NOVA1: variants seen among roughly 807,000 people sequenced by gnomAD.
NOVA1 encodes RNA-binding protein Nova-1.
NOVA1 carries 7 observed loss-of-function variants against 38.0 expected under a neutral mutation model. The ratio of observed to expected loss-of-function variants is 0.18; its 90% CI spans 0.10 to 0.35. The LOEUF is 0.35. Ranked by LOEUF, NOVA1 falls within the 10% of genes least tolerant of loss-of-function variation. NOVA1 has a pLI of 1.00. For synonymous variants in NOVA1, 270 were observed against 232.5 expected (o/e 1.16, Z -1.47); for missense variants, 460 against 616.0 (o/e 0.75, Z 2.68).
rs1453971975 is a variant in NOVA1, at chr14:26,448,485, C to T, written c.998G>A (p.Gly333Asp). Residue 333 changes from glycine to aspartate, a missense_variant, in exon 5 of 5, where the codon GGT (glycine) becomes GAT (aspartate). Transcript: ENST00000539517. This position sits in a 1 kb window ranked among gnomAD's most constrained non-coding sequence, Gnocchi z 5.3. The part of the protein sequence containing the change: ...ASYGYNLNTL[G>D]LGLSQAAATG... The stretch of plus-strand genomic sequence containing the variant: ...TGCTGCTGCTTGACTGAGACCTAAA[C>T]CTAAAGTGTTGAGATTATATCCATA... 3 of 1,613,930 alleles carry T rather than the reference C, an allele frequency of 1.9e-6. No homozygotes were observed. The highest frequency in any genetic ancestry group is 3.3e-5 in the Admixed American group (2 of 60,014).
At chr14:26,575,979 G>A (rs1233773514) in intron 2 of NOVA1, among the ~76,000 whole-genome samples, 1 of 151,214 alleles carries the variant, frequency 6.6e-6, no homozygotes, top group African/African-American at 2.4e-5. Context: ...GAGGAAACTC[G>A]CAGCTGACAG....
intron 4 of NOVA1, among the ~76,000 whole-genome samples, chr14:26,462,356 T>C (rs1437169754): frequency 6.6e-6 from 1 of 152,072 alleles, no homozygotes; most frequent in East Asian, 1.9e-4. Flanking sequence ...GAATTAACAC[T>C]TGAAAAAAAA....
chr14:26,481,283 C>T (rs1885430783), intron 2 of NOVA1, among the ~76,000 whole-genome samples: 1 of 151,928 alleles, frequency 6.6e-6, no homozygotes. Context: ...CCTTTTGGTG[C>T]TACTGTTTCA....
At chr14:26,482,064 T>C (rs1205752201) in intron 2 of NOVA1, among the ~76,000 whole-genome samples, 1 of 146,382 alleles carries the variant, frequency 6.8e-6, no homozygotes, top group Non-Finnish European at 1.5e-5. Context: ...GTCAATAAAA[T>C]TCTGATAATA....
At chr14:26,517,724 A>T (rs1594449325) in intron 2 of NOVA1, among the ~76,000 whole-genome samples, 1 of 152,202 alleles carries the variant, frequency 6.6e-6, no homozygotes, top group African/African-American at 2.4e-5. Context: ...ATCTTATCAC[A>T]AACAGTAAAT....
At chr14:26,567,356 C>T (rs546551769) in intron 2 of NOVA1, among the ~76,000 whole-genome samples, 19 of 129,982 alleles carry the variant, frequency 1.5e-4, no homozygotes, top group African/African-American at 5.2e-4. Flanking sequence ...AATGCAGTGG[C>T]GCAATCTTGG....
At chr14:26,473,976 T>C (rs1884787852) in intron 3 of NOVA1, among the ~76,000 whole-genome samples, 1 of 152,076 alleles carries the variant, frequency 6.6e-6, no homozygotes, top group South Asian at 2.1e-4. Flanking sequence ...CCTAATATTT[T>C]ATTTTCCATG....
chr14:26,571,498 C>T (rs960511831), intron 2 of NOVA1, among the ~76,000 whole-genome samples: 15 of 152,176 alleles, frequency 9.9e-5, no homozygotes, highest in Admixed American at 3.3e-4. Context: ...GACGCAGTTA[C>T]CTCTAGCACC....
rs1882169963 is a variant in NOVA1 at position 26,447,491 on chromosome 14, T to C, written c.*468A>G. 6.4e-6 allele frequency: 1 copy of C among 156,900 alleles called. No homozygotes were observed. Among genetic ancestry groups the C allele is most frequent in the Non-Finnish European group, 1.4e-5 (1 of 70,716 alleles). The allele number at this position is 156,900 out of a possible 1,614,324, so 9.7% of individuals were successfully genotyped here. The stretch of plus-strand genomic sequence containing the variant: ...AAATTTAAAACTTATTTTCAAAATA[T>C]TGTTTCCTACTTCACTGTGCCCTAA... On this transcript the variant is annotated 3_prime_UTR_variant, in exon 5 of 5. Coordinates refer to ENST00000539517, the MANE Select transcript of NOVA1 (RefSeq NM_002515.3).
At chr14:26,467,069 A>T (rs1884201366) in intron 4 of NOVA1, among the ~76,000 whole-genome samples, 1 of 152,236 alleles carries the variant, frequency 6.6e-6, no homozygotes, top group Admixed American at 6.5e-5. Flanking sequence ...ATGTCAGCAT[A>T]TAAAAGCCAA....
chr14:26,520,534 T>C (rs1284933712), intron 2 of NOVA1, among the ~76,000 whole-genome samples: 1 of 152,138 alleles, frequency 6.6e-6, no homozygotes, highest in Non-Finnish European at 1.5e-5. Context: ...AATTAAGCCG[T>C]GGCACTAATA....
intron 4 of NOVA1, among the ~76,000 whole-genome samples, chr14:26,469,213 A>G (rs1319041407): frequency 6.6e-6 from 1 of 152,192 alleles, no homozygotes; most frequent in Non-Finnish European, 1.5e-5. Flanking sequence ...AGTTCTTATA[A>G]CGTTTCTTCT....
chr14:26,475,365 C>T (rs1884900689), intron 3 of NOVA1, among the ~76,000 whole-genome samples: 1 of 152,146 alleles, frequency 6.6e-6, no homozygotes, highest in African/African-American at 2.4e-5. Flanking sequence ...AAACTGTTTA[C>T]ATCCATTTAC....
intron 2 of NOVA1, among the ~76,000 whole-genome samples, chr14:26,487,293 C>G (rs993612905): frequency 1.3e-5 from 2 of 152,120 alleles, no homozygotes; most frequent in Non-Finnish European, 2.9e-5. Context: ...TGTCCCTATA[C>G]GCATACGGAA....
chr14:26,551,829 A>C lies in NOVA1; in HGVS notation c.280+43581T>G, dbSNP rs1229514481. On this transcript the variant is annotated intron_variant, in intron 2 of 4. Coordinates refer to ENST00000539517, the MANE Select transcript of NOVA1 (RefSeq NM_002515.3). The stretch of plus-strand genomic sequence containing the variant: ...ACTCCTTTTAGGTATTTTTCTGTAG[A>C]TATAAAGATATAATAACCATTCATA... Among the ~76,000 whole-genome samples the C allele has an allele frequency of 7.2e-5, 11 of 152,144 alleles. 1 individual carries two copies. In the East Asian group the frequency reaches 1.7e-3, roughly 24 times the overall value.
intron 2 of NOVA1, among the ~76,000 whole-genome samples, chr14:26,493,806 G>A (rs1351048922): frequency 6.6e-6 from 1 of 152,054 alleles, no homozygotes; most frequent in Admixed American, 6.6e-5. Context: ...TGCCCCCTGT[G>A]AACAAGTTCT....
At chr14:26,472,990 C>T (rs1300745286) in intron 3 of NOVA1, among the ~76,000 whole-genome samples, 1 of 151,534 alleles carries the variant, frequency 6.6e-6, no homozygotes, top group East Asian at 1.9e-4. Flanking sequence ...AATTTAAGGC[C>T]CGTCTGAAAA....
chr14:26,553,750 A>G (rs1891306205), intron 2 of NOVA1, among the ~76,000 whole-genome samples: 1 of 152,146 alleles, frequency 6.6e-6, no homozygotes, highest in African/African-American at 2.4e-5. Context: ...AAGACAATTC[A>G]GAAATGGTTG....
At chr14:26,596,581 C>A in intron 1 of NOVA1, 1 of 1,289,078 alleles carries the variant, frequency 7.8e-7, no homozygotes, top group Non-Finnish European at 1.0e-6. Context: ...ACCTCTGCTT[C>A]GATGCATTGG....
Sources: allele counts gnomAD v4.1 joint callset (sites outside exome capture counted in the v4.1 genomes callset), GRCh38; gene constraint gnomAD v4.1.1; non-coding constraint Gnocchi (gnomAD v3.1); transcripts MANE v1.5; gene names NCBI Gene and HGNC (gene_info 2026-07-23, HGNC 2026-07-21).